PCDHGA2: variants seen among roughly 807,000 people sequenced by gnomAD.
The protein encoded by PCDHGA2 is protocadherin gamma subfamily A, 2, also known as protocadherin gamma-A2.
PCDHGA2 carries 40 observed loss-of-function variants against 59.2 expected under a neutral mutation model. The ratio of observed to expected loss-of-function variants is 0.68; its 90% CI spans 0.52 to 0.88. The LOEUF is 0.88. Ranked by LOEUF, PCDHGA2 falls within the 40% of genes least tolerant of loss-of-function variation. The pLI, the probability that PCDHGA2 is intolerant of heterozygous loss-of-function variation, is 0.00. For missense variants in PCDHGA2, 1,226 were observed against 1,204.0 expected (o/e 1.02, Z -0.27); for synonymous variants, 560 against 526.0 (o/e 1.06, Z -0.89).
Position 141,365,430 on chromosome 5 carries a change from C to T in PCDHGA2, c.2424+24035C>T, listed in dbSNP as rs151160787. The stretch of plus-strand genomic sequence containing the variant: ...GACTGTCTTCCCGGAACTGTAATCG[C>T]GCTGTTTAGCGTACATGATGGTGAT... On this transcript the variant is annotated intron_variant, in intron 1 of 3. Coordinates refer to ENST00000394576, the MANE Select transcript of PCDHGA2 (RefSeq NM_018915.4). 2.0e-4 allele frequency: 316 copies of T among 1,613,960 alleles called. 3 individuals are homozygous for T. The East Asian group carries it at 6.1e-3, about 31-fold the overall frequency.
Position 141,476,934 on chromosome 5 carries a change from A to G in PCDHGA2, c.2425-17873A>G, listed in dbSNP as rs199685528. On this transcript the variant is annotated intron_variant, in intron 1 of 3. Transcript: ENST00000394576. The surrounding 1 kb of genome is among the most constrained non-coding windows in gnomAD (Gnocchi z 7.6). ...CAAGTCCTTGCAACGGATCTGGATG[A>G]AGGCCCCAACGGTGAAATTATTTAC... 255 of 1,614,164 alleles carry G rather than the reference A, an allele frequency of 1.6e-4. 3 individuals carry two copies. In the South Asian group the frequency reaches 2.6e-3, roughly 16 times the overall value.
chr5:141,365,294 C>G, intron 1 of PCDHGA2: 1 of 1,613,974 alleles, frequency 6.2e-7, no homozygotes, highest in Non-Finnish European at 8.5e-7. Context: ...AGTGGTAGCT[C>G]AGGATGGAGG....
intron 1 of PCDHGA2, chr5:141,395,290 T>A: frequency 6.5e-7 from 1 of 1,529,840 alleles, no homozygotes; most frequent in Non-Finnish European, 8.8e-7. Flanking sequence ...TTATTTGGCA[T>A]AAATTATGTT....
In PCDHGA2 at chr5:141,432,518, C is replaced by T. The variant is rs1314948517; in HGVS notation, c.2425-62289C>T. 6.2e-7 allele frequency: 1 copy of T among 1,614,126 alleles called. No homozygotes were observed. The highest frequency in any genetic ancestry group is 8.5e-7 in the Non-Finnish European group (1 of 1,180,024). On this transcript the variant is annotated intron_variant, in intron 1 of 3. Coordinates refer to ENST00000394576, the MANE Select transcript of PCDHGA2 (RefSeq NM_018915.4). This position sits in a 1 kb window ranked among gnomAD's most constrained non-coding sequence, Gnocchi z 6.0. The stretch of plus-strand genomic sequence containing the variant: ...TCCCCGCTCCGCAGAGCCCGGCTAC[C>T]TGGTGACCAAGGTGGTGGCGGTGGA...
chr5:141,360,903 G>T (rs752031820), intron 1 of PCDHGA2: 1 of 1,613,916 alleles, frequency 6.2e-7, no homozygotes, highest in East Asian at 2.2e-5. Context: ...AGGACGTGCC[G>T]CCGGGCTTCT....
intron 1 of PCDHGA2, chr5:141,410,195 G>T (rs769655902): frequency 1.2e-6 from 2 of 1,613,966 alleles, no homozygotes; most frequent in East Asian, 4.5e-5. Context: ...TCTGGTCTTC[G>T]CAGACAACTT....
At chr5:141,394,639 T>C (rs2150578020) in intron 1 of PCDHGA2, 2 of 1,611,968 alleles carry the variant, frequency 1.2e-6, no homozygotes, top group Middle Eastern at 1.7e-4. Flanking sequence ...TACCGCCTGC[T>C]CAAGGCCAGC....
At chr5:141,366,448 C>T (rs758717804) in intron 1 of PCDHGA2, 3 of 1,614,124 alleles carry the variant, frequency 1.9e-6, no homozygotes, top group South Asian at 1.1e-5. Flanking sequence ...TCTTCCTGGC[C>T]TTCGTCATCG....
chr5:141,494,142 A>G (rs2099752161), intron 1 of PCDHGA2, among the ~76,000 whole-genome samples: 1 of 152,090 alleles, frequency 6.6e-6, no homozygotes, highest in South Asian at 2.1e-4. Context: ...TTAGTCACAG[A>G]CCATTGTCTG....
At chr5:141,345,884 C>G (rs1386374521) in intron 1 of PCDHGA2, 4 of 1,613,328 alleles carry the variant, frequency 2.5e-6, no homozygotes, top group Non-Finnish European at 3.4e-6. Flanking sequence ...CGGGACTCTT[C>G]TCGGTGGGTC....
At chr5:141,459,686 C>T (rs79275885) in intron 1 of PCDHGA2, among the ~76,000 whole-genome samples, 5,534 of 152,296 alleles carry the variant, frequency 0.036, 130 homozygotes, top group South Asian at 0.077. Flanking sequence ...ATGCATAAAG[C>T]GTTCCGCTTG....
chr5:141,418,282 A>C, intron 1 of PCDHGA2: 1 of 1,614,030 alleles, frequency 6.2e-7, no homozygotes, highest in Non-Finnish European at 8.5e-7. Flanking sequence ...TAAACTTAGA[A>C]ATCAGTGAAT....
At chr5:141,422,374 G>A (rs1268014814) in intron 1 of PCDHGA2, 1 of 1,570,452 alleles carries the variant, frequency 6.4e-7, no homozygotes, top group Non-Finnish European at 8.6e-7. Flanking sequence ...AAATGGTCAA[G>A]TCTCCTGTTT....
At chr5:141,455,899 ATTTATTT>A (rs1441561749) in intron 1 of PCDHGA2, among the ~76,000 whole-genome samples, 5 of 148,258 alleles carry the variant, frequency 3.4e-5, no homozygotes, top group African/African-American at 1.2e-4. Context: ...TTATTTATTT[ATTTATTT>A]ATTTATTTTG....
chr5:141,370,017 C>T lies in PCDHGA2; in HGVS notation c.2424+28622C>T, dbSNP rs1160186023. Among the ~76,000 whole-genome samples the T allele has an allele frequency of 2.0e-5, 3 of 152,276 alleles. No individual in the cohort carries two copies. In the East Asian group the frequency reaches 5.8e-4, roughly 29 times the overall value. On this transcript the variant is annotated intron_variant, in intron 1 of 3. Transcript: ENST00000394576. Reference sequence around the variant, plus strand: ...AGCTCAAATTAAAAGAAATAACAGACTAAAGATATAGTAAGTATATTTAAT... The same window carrying T: ...AGCTCAAATTAAAAGAAATAACAGATTAAAGATATAGTAAGTATATTTAAT...
intron 1 of PCDHGA2, among the ~76,000 whole-genome samples, chr5:141,425,504 T>A (rs1049969153): frequency 2.6e-5 from 4 of 152,260 alleles, no homozygotes; most frequent in Non-Finnish European, 5.9e-5. Flanking sequence ...TACCTTTATA[T>A]TCTCTTTATG....
In PCDHGA2 at chr5:141,489,621, T is replaced by C. The variant is rs765666746; in HGVS notation, c.2425-5186T>C. 29 of 1,613,978 alleles carry C rather than the reference T, an allele frequency of 1.8e-5. No individual in the cohort carries two copies. The highest frequency in any genetic ancestry group is 1.6e-4 in the Middle Eastern group (1 of 6,084). On this transcript the variant is annotated intron_variant, in intron 1 of 3. Transcript: ENST00000394576. The surrounding 1 kb of genome is among the most constrained non-coding windows in gnomAD (Gnocchi z 4.5). ...TAGAGGTAGAGATCCTGGATCTCAATGACAACTCTCCTAGCTTTGCCACCC... is the reference window on the plus strand; with the variant it reads ...TAGAGGTAGAGATCCTGGATCTCAACGACAACTCTCCTAGCTTTGCCACCC...
Position 141,341,748 on chromosome 5 carries a change from A to G in PCDHGA2, c.2424+353A>G. ...AATTTTTTCTTTGTTAAAAATATAAAGATTGGAGTTTATGTTTACTCAAGT... is the reference window on the plus strand; with the variant it reads ...AATTTTTTCTTTGTTAAAAATATAAGGATTGGAGTTTATGTTTACTCAAGT... On this transcript the variant is annotated intron_variant, in intron 1 of 3. Transcript: ENST00000394576. 7.1e-6 allele frequency: 3 copies of G among 425,454 alleles called. No individual in the cohort carries two copies. In the South Asian group the frequency reaches 1.2e-4, roughly 17 times the overall value. 26.4% of individuals were successfully genotyped at this position (425,454 alleles called of 1,614,324 possible). A position where few individuals can be genotyped will look rare whatever the true frequency, so the allele number is the denominator to read the frequency against.
chr5:141,371,171 C>T, intron 1 of PCDHGA2: 1 of 1,614,048 alleles, frequency 6.2e-7, no homozygotes, highest in Non-Finnish European at 8.5e-7. Flanking sequence ...CCGCTGGCTC[C>T]TCCGTATTAA....
Sources: allele counts gnomAD v4.1 joint callset (sites outside exome capture counted in the v4.1 genomes callset), GRCh38; gene constraint gnomAD v4.1.1; non-coding constraint Gnocchi (gnomAD v3.1); transcripts MANE v1.5; gene names NCBI Gene and HGNC (gene_info 2026-07-23, HGNC 2026-07-21).